Variants in KCNMA1 observed in about 807,000 individuals in gnomAD.
KCNMA1 encodes potassium calcium-activated channel subfamily M alpha 1.
In KCNMA1, 29 loss-of-function variants were observed where a neutral mutation model predicts 140.0. The ratio of observed to expected loss-of-function variants is 0.21; its 90% CI spans 0.15 to 0.28. The LOEUF is 0.28. Among genes scored for constraint, KCNMA1 ranks in the 10% least tolerant of loss-of-function variants. KCNMA1 has a pLI of 1.00. For missense variants in KCNMA1, 880 were observed against 1,602.2 expected, an observed-to-expected ratio of 0.55 and a Z score of 7.70; for synonymous variants, 612 against 611.9, an observed-to-expected ratio of 1.00 and a Z score of 0.00.
At chr10:77,583,263 C>CA (rs1279342689) in intron 1 of KCNMA1, among the ~76,000 whole-genome samples, 3 of 152,208 alleles carry the variant, frequency 2.0e-5, no homozygotes, top group Non-Finnish European at 4.4e-5. Context: ...CACAACTAGT[C>CA]CCACTATGAA....
chr10:77,487,496 C>G (rs1376693455), intron 1 of KCNMA1, among the ~76,000 whole-genome samples: 1 of 152,166 alleles, frequency 6.6e-6, no homozygotes, highest in East Asian at 1.9e-4. Context: ...CACACTTGCC[C>G]TCAAAGGGAT....
chr10:77,055,331 C>T (rs1279480625), intron 14 of KCNMA1, among the ~76,000 whole-genome samples: 1 of 152,170 alleles, frequency 6.6e-6, no homozygotes, highest in African/African-American at 2.4e-5. Context: ...GACCTCGAGG[C>T]AGCCAGAACC....
rs544257955 is a variant in KCNMA1 at position 77,382,994 on chromosome 10, GTATATATATATA to G, written c.540+20856_540+20867del. 2.0e-3 allele frequency among the ~76,000 whole-genome samples: 94 copies of G among 46,434 alleles called. 1 individual carries two copies. Among genetic ancestry groups the G allele is most frequent in the African/African-American group, 7.1e-3 (75 of 10,522 alleles). 30.5% of individuals were successfully genotyped at this position (46,434 alleles called of 152,430 possible). On this transcript the variant is annotated intron_variant, in intron 2 of 27. Transcript: ENST00000286628. The stretch of plus-strand genomic sequence containing the variant: ...TGTGTGTGTGTGTGTGTGTGTGTGT[GTATATATATATA>G]TATATATATATATATATATATATTC...
rs546549802 is a variant in KCNMA1 at position 77,236,349 on chromosome 10, A to C, written c.602+14846T>G. Among the ~76,000 whole-genome samples the C allele has an allele frequency of 4.4e-4, 67 of 152,320 alleles. No homozygotes were observed. In the South Asian group the frequency reaches 0.011, roughly 24 times the overall value. On this transcript the variant is annotated intron_variant, in intron 3 of 27. Coordinates refer to ENST00000286628, the MANE Select transcript of KCNMA1 (RefSeq NM_001161352.2). ...GTAATAAATTGTAACCGTGAGTATA[A>C]TAGCCTTCAGTGAGCTCTGCAGTCC...
chr10:77,574,350 G>A (rs1237074716), intron 1 of KCNMA1, among the ~76,000 whole-genome samples: 1 of 151,896 alleles, frequency 6.6e-6, no homozygotes, highest in Non-Finnish European at 1.5e-5. Flanking sequence ...CACAATGTAT[G>A]CTTTGCACAC....
chr10:77,367,726 A>G (rs1051719859), intron 2 of KCNMA1, among the ~76,000 whole-genome samples: 6 of 152,158 alleles, frequency 3.9e-5, no homozygotes, highest in African/African-American at 1.4e-4. Flanking sequence ...ACCCCTACCC[A>G]CTAATAACCA....
At chr10:77,489,096 G>A (rs957608857) in intron 1 of KCNMA1, among the ~76,000 whole-genome samples, 2 of 152,128 alleles carry the variant, frequency 1.3e-5, no homozygotes, top group Non-Finnish European at 2.9e-5. Context: ...TGACCCCAGG[G>A]CCTACCTGTG....
chr10:77,594,828 G>A (rs549770618), intron 1 of KCNMA1, among the ~76,000 whole-genome samples: 3 of 152,094 alleles, frequency 2.0e-5, no homozygotes, highest in Non-Finnish European at 2.9e-5. Flanking sequence ...CTTCACACAC[G>A]ATCCTGCTCC....
intron 18 of KCNMA1, among the ~76,000 whole-genome samples, chr10:77,002,005 T>C (rs898017456): frequency 1.3e-5 from 2 of 152,184 alleles, no homozygotes; most frequent in East Asian, 3.9e-4. Context: ...TTATTTGGTA[T>C]AATAAATGGT....
chr10:77,570,771 A>G (rs1603637153), intron 1 of KCNMA1, among the ~76,000 whole-genome samples: 1 of 104,718 alleles, frequency 9.5e-6, no homozygotes. Context: ...TTTGAATGGG[A>G]AAAAAAAAAA....
At chr10:77,101,433 C>G (rs2097095223) in intron 9 of KCNMA1, among the ~76,000 whole-genome samples, 1 of 152,204 alleles carries the variant, frequency 6.6e-6, no homozygotes, top group African/African-American at 2.4e-5. Flanking sequence ...TTCTTATTTA[C>G]TGTATCTGTC....
chr10:76,948,974 G>A, intron 22 of KCNMA1, 168 bp downstream of exon 22: 1 of 719,068 alleles, frequency 1.4e-6, no homozygotes, highest in Non-Finnish European at 2.5e-6. Context: ...AGGTCTCCCA[G>A]GGTTTGGATT....
chr10:77,498,907 C>T (rs1387659512), intron 1 of KCNMA1: 1 of 152,198 alleles, frequency 6.6e-6, no homozygotes, highest in Non-Finnish European at 1.5e-5. Flanking sequence ...CTGGCTGGAC[C>T]TGAGTCCTGG....
At chr10:77,519,312 TC>T (rs1413890167) in intron 1 of KCNMA1, among the ~76,000 whole-genome samples, 1 of 152,236 alleles carries the variant, frequency 6.6e-6, no homozygotes, top group African/African-American at 2.4e-5. Flanking sequence ...GCTGGTGATA[TC>T]CACACACCAT....
Position 76,996,333 on chromosome 10 carries a change from CT to C in KCNMA1, c.2266+5073del, listed in dbSNP as rs543140181. On this transcript the variant is annotated intron_variant, in intron 19 of 27. Transcript: ENST00000286628. ...CCAGTCAACCTATGGCTCAGCGTGGCTATCACAAAATCAAGCAAGAGGCAGT... is the reference window on the plus strand; with the variant it reads ...CCAGTCAACCTATGGCTCAGCGTGGCATCACAAAATCAAGCAAGAGGCAGT... Among the ~76,000 whole-genome samples, 73 of 152,334 alleles carry C rather than the reference CT, an allele frequency of 4.8e-4. 2 individuals carry two copies. The South Asian group carries it at 0.015, about 30-fold the overall frequency.
intron 2 of KCNMA1, among the ~76,000 whole-genome samples, chr10:77,253,971 T>C (rs529380766): frequency 6.6e-6 from 1 of 152,256 alleles, no homozygotes; most frequent in South Asian, 2.1e-4. Flanking sequence ...ATCAGAGACT[T>C]GTCTTCTCTA....
intron 25 of KCNMA1, 73 bp downstream of exon 25, chr10:76,909,893 C>T: frequency 6.5e-7 from 1 of 1,543,212 alleles, no homozygotes; most frequent in Non-Finnish European, 8.8e-7. Flanking sequence ...CAGCCCAGGG[C>T]CTCAAAGGTT....
At chr10:77,407,407 C>T (rs544862070) in intron 1 of KCNMA1, among the ~76,000 whole-genome samples, 7 of 152,346 alleles carry the variant, frequency 4.6e-5, no homozygotes, top group African/African-American at 1.7e-4. Flanking sequence ...CATGCAGGGG[C>T]AGAGTCCATT....
chr10:77,025,373 A>T, intron 16 of KCNMA1: 3 of 1,240,582 alleles, frequency 2.4e-6, no homozygotes, highest in Non-Finnish European at 3.5e-6. Flanking sequence ...ATTCTTGGCA[A>T]ATGGTTAGTC....
Sources: gnomAD v4.1 joint callset for allele counts (sites outside exome capture counted in the v4.1 genomes callset) on GRCh38, gnomAD v4.1.1 for gene constraint, MANE v1.5 for transcripts, NCBI Gene and HGNC (gene_info 2026-07-23, HGNC 2026-07-21) for gene names.